TPGS2: variants seen among roughly 807,000 people sequenced by gnomAD.
TPGS2 encodes the protein tubulin polyglutamylase complex subunit 2.
A neutral mutation model predicts 31.1 loss-of-function variants in TPGS2; 26 were observed. The observed-to-expected ratio is 0.84, with a 90% CI of 0.61 to 1.16. TPGS2 has a LOEUF of 1.16. Ranked by LOEUF, TPGS2 falls within the 50% of genes most tolerant of loss-of-function variation. The pLI is 0.00. For synonymous variants in TPGS2, 130 were observed against 136.6 expected, an observed-to-expected ratio of 0.95 and a Z score of 0.34; for missense variants, 351 against 363.8, an observed-to-expected ratio of 0.96 and a Z score of 0.29.
chr18:36,800,281 A>G lies in TPGS2; in HGVS notation c.413T>C (p.Phe138Ser). Residue 138 changes from phenylalanine to serine, a missense_variant, in exon 5 of 7, where the codon TTT (phenylalanine) becomes TCT (serine). By Grantham distance (155) the Phe-to-Ser change is radical. Coordinates refer to ENST00000334295, the MANE Select transcript of TPGS2 (RefSeq NM_015476.4). ...ASDDQPEKPH[F>S]DSRSVIFELD... ...CTCAAATATCACACTGCGAGAGTCA[A>G]AGTGAGGCTTCTCTGGCTGATCATC... 1 of 1,614,186 alleles carries G rather than the reference A, an allele frequency of 6.2e-7. No individual in the cohort carries two copies. The highest frequency in any genetic ancestry group is 8.5e-7 in the Non-Finnish European group (1 of 1,180,014).
At chr18:36,802,330 C>T (rs2044861587) in intron 4 of TPGS2, among the ~76,000 whole-genome samples, 1 of 152,234 alleles carries the variant, frequency 6.6e-6, no homozygotes. Flanking sequence ...CTTCTGCCAA[C>T]TGTAGACACC....
rs2044417007 is a variant in TPGS2, at chr18:36,794,203, A to G, written c.*2602T>C. The G allele has an allele frequency of 1.1e-6, 1 of 897,886 alleles. No homozygotes were observed. Among genetic ancestry groups the G allele is most frequent in the Non-Finnish European group, 1.3e-6 (1 of 750,250 alleles). 55.6% of individuals were successfully genotyped at this position (897,886 alleles called of 1,614,324 possible). On this transcript the variant is annotated 3_prime_UTR_variant, in exon 7 of 7. Coordinates refer to ENST00000334295, the MANE Select transcript of TPGS2 (RefSeq NM_015476.4). ...TGAGAAAGACACTATGGAAGAAAGG[A>G]AAAACATTACATTTTAGTACCTGTA...
intron 2 of TPGS2, among the ~76,000 whole-genome samples, chr18:36,817,008 AAAC>A (rs1179021661): frequency 3.9e-5 from 6 of 152,262 alleles, no homozygotes; most frequent in Non-Finnish European, 7.3e-5. Context: ...ATAACAAACA[AAAC>A]AACATCAATG....
intron 6 of TPGS2, among the ~76,000 whole-genome samples, chr18:36,785,336 G>T (rs1353263551): frequency 6.6e-6 from 1 of 152,124 alleles, no homozygotes. Context: ...TTTGTTCAAG[G>T]TTGGCAGTCA....
At chr18:36,803,799 T>C (rs1349174902) in intron 4 of TPGS2, among the ~76,000 whole-genome samples, 2 of 152,230 alleles carry the variant, frequency 1.3e-5, no homozygotes, top group Non-Finnish European at 2.9e-5. Flanking sequence ...TTTTTATCCA[T>C]AGAAAGTCTT....
intron 4 of TPGS2, among the ~76,000 whole-genome samples, chr18:36,803,611 T>C (rs1333069986): frequency 6.6e-6 from 1 of 152,212 alleles, no homozygotes; most frequent in Non-Finnish European, 1.5e-5. Flanking sequence ...GAAAGTGTCC[T>C]GAATCTATTT....
At chr18:36,787,011 T>A in intron 6 of TPGS2, 1 of 1,234,318 alleles carries the variant, frequency 8.1e-7, no homozygotes, top group Non-Finnish European at 1.0e-6. Context: ...TCAGCTCCCA[T>A]TGGAGGGGCT....
rs2044474436 is a variant in TPGS2 at position 36,795,280 on chromosome 18, G to A, written c.*1525C>T. The A allele has an allele frequency of 1.0e-6, 1 of 985,486 alleles. No homozygotes were observed. Among genetic ancestry groups the A allele is most frequent in the African/African-American group, 1.7e-5 (1 of 57,352 alleles). 61.0% of individuals were successfully genotyped at this position (985,486 alleles called of 1,614,324 possible). Reference sequence around the variant, plus strand: ...AGTGGGTTTGGAAGAGGGAAACCCTGGGTCGATTAGCAGGTAGACAGTGCA... The same window carrying A: ...AGTGGGTTTGGAAGAGGGAAACCCTAGGTCGATTAGCAGGTAGACAGTGCA... On this transcript the variant is annotated 3_prime_UTR_variant, in exon 7 of 7. Coordinates refer to ENST00000334295, the MANE Select transcript of TPGS2 (RefSeq NM_015476.4).
chr18:36,824,270 G>A (rs2046036287), intron 1 of TPGS2, among the ~76,000 whole-genome samples: 1 of 152,180 alleles, frequency 6.6e-6, no homozygotes, highest in South Asian at 2.1e-4. Context: ...ATCAACTGAT[G>A]GATGTTGGCT....
intron 6 of TPGS2, among the ~76,000 whole-genome samples, chr18:36,783,508 T>C (rs1381413127): frequency 6.6e-6 from 1 of 152,204 alleles, no homozygotes; most frequent in African/African-American, 2.4e-5. Flanking sequence ...TTTCTTTCTG[T>C]TTAAAAAACA....
intron 1 of TPGS2, 95 bp from the exon 2 acceptor site, chr18:36,819,068 G>T: frequency 9.9e-7 from 1 of 1,009,098 alleles, no homozygotes; most frequent in Non-Finnish European, 1.5e-6. Flanking sequence ...CTGCTCTTAA[G>T]AACATCCAAT....
Position 36,795,182 on chromosome 18 carries a change from T to C in TPGS2, c.*1623A>G. ...TTCTCATGAATATCTATCACTATTG[T>C]CAACAATCAAAATAAACATGTTTCA... On this transcript the variant is annotated 3_prime_UTR_variant, in exon 7 of 7. Coordinates refer to ENST00000334295, the MANE Select transcript of TPGS2 (RefSeq NM_015476.4). 2 of 985,360 alleles carry C rather than the reference T, an allele frequency of 2.0e-6. No individual in the cohort carries two copies. The highest frequency in any genetic ancestry group is 2.4e-6 in the Non-Finnish European group (2 of 829,926). The allele number at this position is 985,360 out of a possible 1,614,324, so 61.0% of individuals were successfully genotyped here. A position where few individuals can be genotyped will look rare whatever the true frequency, so the allele number is the denominator to read the frequency against.
At chr18:36,807,203 T>C (rs2045194389) in intron 3 of TPGS2, among the ~76,000 whole-genome samples, 1 of 152,208 alleles carries the variant, frequency 6.6e-6, no homozygotes, top group Non-Finnish European at 1.5e-5. Context: ...TGAAATGTTT[T>C]CAAGAGTCTT....
intron 5 of TPGS2, among the ~76,000 whole-genome samples, 200 bp from the exon 6 acceptor site, chr18:36,798,809 T>C (rs534877572): frequency 1.3e-5 from 2 of 152,292 alleles, no homozygotes; most frequent in South Asian, 2.1e-4. Flanking sequence ...GTTCCTTTGA[T>C]ACTCTTACAA....
rs1600737418 is a variant in TPGS2, at chr18:36,795,012, C to A, written c.*1793G>T. On this transcript the variant is annotated 3_prime_UTR_variant, in exon 7 of 7. Coordinates refer to ENST00000334295, the MANE Select transcript of TPGS2 (RefSeq NM_015476.4). ...GTTTATGCTCCCAAAGACTCTTAAG[C>A]GCTGATATTTCAAGACTTTGAACTA... The A allele has an allele frequency of 3.0e-6, 3 of 985,234 alleles. No individual in the cohort carries two copies. In the South Asian group the frequency reaches 1.4e-4, roughly 46 times the overall value. 61.0% of individuals were successfully genotyped at this position (985,234 alleles called of 1,614,324 possible).
rs1443110560 is a variant in TPGS2 at position 36,794,712 on chromosome 18, T to C, written c.*2093A>G. The C allele has an allele frequency of 3.0e-6, 3 of 985,356 alleles. No homozygotes were observed. Among genetic ancestry groups the C allele is most frequent in the Non-Finnish European group, 2.4e-6 (2 of 829,934 alleles). 61.0% of individuals were successfully genotyped at this position (985,356 alleles called of 1,614,324 possible). On this transcript the variant is annotated 3_prime_UTR_variant, in exon 7 of 7. Coordinates refer to ENST00000334295, the MANE Select transcript of TPGS2 (RefSeq NM_015476.4). ...TCCTCAACAACTTGGTCTCTCTATA[T>C]CCTTTTCTGCCACTCCATGAATTGT...
chr18:36,795,480 G>A lies in TPGS2; in HGVS notation c.*1325C>T. The A allele has an allele frequency of 3.0e-6, 3 of 985,424 alleles. No homozygotes were observed. The highest frequency in any genetic ancestry group is 3.6e-6 in the Non-Finnish European group (3 of 829,954). 61.0% of individuals were successfully genotyped at this position (985,424 alleles called of 1,614,324 possible). A position where few individuals can be genotyped will look rare whatever the true frequency, so the allele number is the denominator to read the frequency against. ...ACTGCAGCCACCCAAAGAACTTGGGGCTAGGTGGGTGACTCCCCACTTTCC... is the reference window on the plus strand; with the variant it reads ...ACTGCAGCCACCCAAAGAACTTGGGACTAGGTGGGTGACTCCCCACTTTCC... On this transcript the variant is annotated 3_prime_UTR_variant, in exon 7 of 7. Transcript: ENST00000334295.
intron 3 of TPGS2, among the ~76,000 whole-genome samples, chr18:36,807,308 T>C (rs907005010): frequency 3.9e-5 from 6 of 152,328 alleles, no homozygotes; most frequent in Middle Eastern, 3.4e-3. Context: ...CAAAAATGTT[T>C]TGTCCTAGAC....
chr18:36,822,957 T>C (rs937198054), intron 1 of TPGS2, among the ~76,000 whole-genome samples: 1 of 152,244 alleles, frequency 6.6e-6, no homozygotes, highest in Admixed American at 6.5e-5. Context: ...ATAATAATAG[T>C]CCATAATTAC....
Sources: allele counts gnomAD v4.1 joint callset (sites outside exome capture counted in the v4.1 genomes callset), GRCh38; gene constraint gnomAD v4.1.1; transcripts MANE v1.5; gene names NCBI Gene and HGNC (gene_info 2026-07-23, HGNC 2026-07-21).